The following PRKCB variants were observed in gnomAD, a reference collection of about 807,000 sequenced individuals.
The protein encoded by PRKCB is protein kinase C beta type.
A neutral mutation model predicts 81.5 loss-of-function variants in PRKCB; 13 were observed. The observed-to-expected ratio is 0.16, with a 90% CI of 0.10 to 0.25. The LOEUF (loss-of-function observed/expected upper bound fraction) is 0.25. Among genes scored for constraint, PRKCB ranks in the 10% least tolerant of loss-of-function variants. The pLI is 1.00. For synonymous variants in PRKCB, 335 were observed against 321.4 expected (o/e 1.04, Z -0.45); for missense variants, 509 against 875.7 (o/e 0.58, Z 5.29).
intron 5 of PRKCB, among the ~76,000 whole-genome samples, chr16:24,060,305 A>T (rs1379440892): frequency 5.9e-5 from 9 of 152,272 alleles, no homozygotes; most frequent in Middle Eastern, 3.4e-3. Flanking sequence ...GGATGAAACA[A>T]GAATGTCTCT....
At chr16:24,003,665 G>A (rs567960760) in intron 3 of PRKCB, among the ~76,000 whole-genome samples, 15 of 152,246 alleles carry the variant, frequency 9.9e-5, no homozygotes, top group African/African-American at 2.9e-4. Context: ...GATTACAGGC[G>A]TGAGCGACTG....
chr16:24,014,403 C>T (rs1052084980), intron 3 of PRKCB, among the ~76,000 whole-genome samples: 1 of 151,996 alleles, frequency 6.6e-6, no homozygotes, highest in Non-Finnish European at 1.5e-5. Context: ...AATGCACAAC[C>T]CGGCCTGCAC....
chr16:24,126,796 A>G (rs951023586), intron 9 of PRKCB, among the ~76,000 whole-genome samples: 1 of 151,802 alleles, frequency 6.6e-6, no homozygotes, highest in African/African-American at 2.4e-5. Flanking sequence ...TCGGCCTCCT[A>G]AAGTGCTGGG....
chr16:24,138,701 A>G (rs1258982481), intron 9 of PRKCB, among the ~76,000 whole-genome samples: 3 of 152,044 alleles, frequency 2.0e-5, no homozygotes, highest in African/African-American at 4.8e-5. Context: ...GTACTTATTT[A>G]TCTTGTAACT....
intron 16 of PRKCB, among the ~76,000 whole-genome samples, chr16:24,206,369 C>T (rs1968045829): frequency 6.6e-6 from 1 of 152,184 alleles, no homozygotes; most frequent in African/African-American, 2.4e-5. Flanking sequence ...GTCTTTTTGC[C>T]TAGGCTATGT....
chr16:24,139,340 A>G (rs1966879452), intron 9 of PRKCB, among the ~76,000 whole-genome samples: 1 of 152,216 alleles, frequency 6.6e-6, no homozygotes, highest in African/African-American at 2.4e-5. Context: ...GTGTGAAAAT[A>G]GTAGTTCTCT....
chr16:23,987,099 T>TACC, intron 2 of PRKCB, among the ~76,000 whole-genome samples: 1 of 152,210 alleles, frequency 6.6e-6, no homozygotes, highest in African/African-American at 2.4e-5. Context: ...ACTGTTGGTT[T>TACC]TTTTCCACTT....
At position 24,130,377 on chromosome 16, in the gene PRKCB, C is replaced by T. The variant is rs532873627; in HGVS notation, c.1065+6396C>T. Among the ~76,000 whole-genome samples the T allele has an allele frequency of 5.9e-5, 9 of 152,132 alleles. No homozygotes were observed. In the East Asian group the frequency reaches 1.7e-3, roughly 29 times the overall value. ...AGAAGTCTTCTGTGAGAAAGTGGCT[C>T]GAGCTATAGCTAAAGGACGAGTTAA... is the stretch of plus-strand genomic sequence containing the variant. On this transcript the variant is annotated intron_variant, in intron 9 of 16. Transcript: ENST00000643927.
At chr16:23,882,019 T>TC (rs1414265125) in intron 2 of PRKCB, among the ~76,000 whole-genome samples, 9,586 of 106,394 alleles carry the variant, frequency 0.09, 1,249 homozygotes, top group Middle Eastern at 0.12. Context: ...TCTTTCTTTC[T>TC]TTCTTCCTTC....
intron 9 of PRKCB, among the ~76,000 whole-genome samples, chr16:24,128,236 A>G (rs899113268): frequency 9.9e-5 from 15 of 152,138 alleles, no homozygotes; most frequent in South Asian, 2.1e-4. Flanking sequence ...TTAGCCGGGC[A>G]TGGTGGCAGG....
At chr16:24,097,163 A>G (rs1041441234) in intron 7 of PRKCB, among the ~76,000 whole-genome samples, 1 of 150,438 alleles carries the variant, frequency 6.6e-6, no homozygotes, top group Non-Finnish European at 1.5e-5. Context: ...CAGCCTCCCG[A>G]GTAGCTGGGA....
chr16:23,943,143 GAAACTCAGTCA>G (rs1459598530), intron 2 of PRKCB, among the ~76,000 whole-genome samples: 1 of 152,166 alleles, frequency 6.6e-6, no homozygotes, highest in East Asian at 1.9e-4. Context: ...TGTTGCATGG[GAAACTCAGTCA>G]AACTCTGAAG....
At chr16:23,992,066 C>T (rs1398998800) in intron 3 of PRKCB, among the ~76,000 whole-genome samples, 1 of 152,232 alleles carries the variant, frequency 6.6e-6, no homozygotes, top group Non-Finnish European at 1.5e-5. Context: ...ATATCCGTCA[C>T]CCCTTCTACC....
intron 5 of PRKCB, among the ~76,000 whole-genome samples, chr16:24,077,443 TTCATCCATC>T (rs1966193392): frequency 6.6e-6 from 1 of 151,396 alleles, no homozygotes; most frequent in Admixed American, 6.6e-5. Flanking sequence ...AATCCATACA[TTCATCCATC>T]TAATCCATCC....
At chr16:23,913,258 G>A (rs1963689282) in intron 2 of PRKCB, among the ~76,000 whole-genome samples, 1 of 151,850 alleles carries the variant, frequency 6.6e-6, no homozygotes, top group South Asian at 2.1e-4. Context: ...CACAAGGGGA[G>A]ACCCAACTGT....
intron 3 of PRKCB, among the ~76,000 whole-genome samples, chr16:23,999,109 G>A (rs1287589567): frequency 6.6e-6 from 1 of 152,178 alleles, no homozygotes; most frequent in Non-Finnish European, 1.5e-5. Context: ...CTCATGGTTG[G>A]AGGCATGATT....
At chr16:24,199,573 C>T (rs1967926423) in intron 16 of PRKCB, among the ~76,000 whole-genome samples, 1 of 152,206 alleles carries the variant, frequency 6.6e-6, no homozygotes, top group Admixed American at 6.5e-5. Context: ...CCCAAAGTAT[C>T]AAATACTCAA....
At chr16:23,889,645 T>A (rs768929102) in intron 2 of PRKCB, among the ~76,000 whole-genome samples, 7 of 152,270 alleles carry the variant, frequency 4.6e-5, no homozygotes, top group Admixed American at 1.3e-4. Flanking sequence ...ACTTTTATGC[T>A]GGGACATGTA....
chr16:24,188,196 C>T (rs184879963), intron 15 of PRKCB, among the ~76,000 whole-genome samples: 1 of 152,158 alleles, frequency 6.6e-6, no homozygotes, highest in African/African-American at 2.4e-5. Flanking sequence ...GGGTGACTCT[C>T]TTACTATTGA....
Sources: gnomAD v4.1 joint callset for allele counts (sites outside exome capture counted in the v4.1 genomes callset) on GRCh38, gnomAD v4.1.1 for gene constraint, MANE v1.5 for transcripts, NCBI Gene and HGNC (gene_info 2026-07-23, HGNC 2026-07-21) for gene names.